Variants in PDE4B observed in about 807,000 individuals in gnomAD.
PDE4B encodes the protein phosphodiesterase 4B, also known as 3',5'-cyclic-AMP phosphodiesterase 4B.
A neutral mutation model predicts 82.2 loss-of-function variants in PDE4B; 20 were observed. That is an observed-to-expected ratio of 0.24 (90% CI 0.17 to 0.35). The LOEUF is 0.35. Ranked by LOEUF, PDE4B falls within the 10% of genes least tolerant of loss-of-function variation. The pLI, the probability that PDE4B is intolerant of heterozygous loss-of-function variation, is 1.00. For missense variants in PDE4B, 655 were observed against 907.2 expected, an observed-to-expected ratio of 0.72 and a Z score of 3.57; for synonymous variants, 320 against 318.9, an observed-to-expected ratio of 1.00 and a Z score of -0.04.
chr1:65,853,349 T>C (rs1272345569), intron 1 of PDE4B, among the ~76,000 whole-genome samples: 2 of 152,160 alleles, frequency 1.3e-5, no homozygotes, highest in East Asian at 3.8e-4. Flanking sequence ...TGCATTTTAA[T>C]TGGAGCATTT....
At chr1:65,854,804 C>T (rs1646373461) in intron 1 of PDE4B, among the ~76,000 whole-genome samples, 1 of 151,784 alleles carries the variant, frequency 6.6e-6, no homozygotes, top group Non-Finnish European at 1.5e-5. Flanking sequence ...CCCCATCTTT[C>T]CTCTCCTCTG....
chr1:65,831,072 T>G (rs1646076504), intron 1 of PDE4B, among the ~76,000 whole-genome samples: 1 of 151,820 alleles, frequency 6.6e-6, no homozygotes, highest in South Asian at 2.1e-4. Context: ...TCTATTGAAA[T>G]GAAGAATGAG....
chr1:66,337,352 C>T (rs1660606952), intron 8 of PDE4B, among the ~76,000 whole-genome samples: 1 of 152,208 alleles, frequency 6.6e-6, no homozygotes, highest in African/African-American at 2.4e-5. Flanking sequence ...TTTGCATCTG[C>T]TGGACCCCCA....
intron 7 of PDE4B, among the ~76,000 whole-genome samples, chr1:66,268,315 A>G (rs1655200261): frequency 6.6e-6 from 1 of 152,260 alleles, no homozygotes; most frequent in African/African-American, 2.4e-5. Flanking sequence ...ATTTACTTTT[A>G]CAAATTGATT....
intron 3 of PDE4B, among the ~76,000 whole-genome samples, chr1:66,151,772 C>T (rs1646399123): frequency 6.6e-6 from 1 of 152,204 alleles, no homozygotes; most frequent in Non-Finnish European, 1.5e-5. Context: ...TTTGATTCAT[C>T]TCTTTATTTC....
intron 1 of PDE4B, among the ~76,000 whole-genome samples, chr1:65,836,544 C>T (rs950642532): frequency 7.9e-5 from 12 of 152,122 alleles, no homozygotes; most frequent in Non-Finnish European, 1.6e-4. Flanking sequence ...AGGTAAACAC[C>T]GGGGCATCCT....
chr1:66,028,404 CTG>C (rs1396020835), intron 3 of PDE4B, among the ~76,000 whole-genome samples: 39 of 152,154 alleles, frequency 2.6e-4, no homozygotes, highest in Admixed American at 2.6e-3. Flanking sequence ...GCCTCAAGGC[CTG>C]TGATGGGAGG....
At chr1:66,277,770 A>T (rs1655996777) in intron 7 of PDE4B, among the ~76,000 whole-genome samples, 1 of 152,172 alleles carries the variant, frequency 6.6e-6, no homozygotes, top group African/African-American at 2.4e-5. Context: ...TGCTCCCAGT[A>T]CCTGTATTTT....
intron 1 of PDE4B, among the ~76,000 whole-genome samples, chr1:65,889,152 T>C (rs1646825265): frequency 6.6e-6 from 1 of 152,178 alleles, no homozygotes. Flanking sequence ...TGAAGGGATG[T>C]TGAATTCTAT....
At chr1:65,857,629 C>T (rs1266740040) in intron 1 of PDE4B, among the ~76,000 whole-genome samples, 1 of 152,164 alleles carries the variant, frequency 6.6e-6, no homozygotes, top group Admixed American at 6.6e-5. Context: ...TGAATTCAGG[C>T]TGGACAACAT....
At chr1:65,894,014 A>G (rs1640044057) in intron 1 of PDE4B, among the ~76,000 whole-genome samples, 1 of 152,086 alleles carries the variant, frequency 6.6e-6, no homozygotes, top group Non-Finnish European at 1.5e-5. Flanking sequence ...GGAGGGGGGT[A>G]CCAGATAAAA....
intron 7 of PDE4B, among the ~76,000 whole-genome samples, chr1:66,299,569 G>T (rs1481022272): frequency 6.6e-6 from 1 of 152,062 alleles, no homozygotes; most frequent in Non-Finnish European, 1.5e-5. Context: ...TTTTCCCTTG[G>T]ATAAATACCC....
At chr1:66,094,970 A>G (rs1033222377) in intron 3 of PDE4B, among the ~76,000 whole-genome samples, 3 of 151,968 alleles carry the variant, frequency 2.0e-5, no homozygotes, top group Admixed American at 2.0e-4. Flanking sequence ...TAACCATTGC[A>G]TACTAGACAG....
At chr1:66,131,766 A>G (rs983452119) in intron 3 of PDE4B, among the ~76,000 whole-genome samples, 35 of 151,698 alleles carry the variant, frequency 2.3e-4, no homozygotes, top group Admixed American at 1.3e-4. Flanking sequence ...TGGGAATAGA[A>G]CAATGAATGA....
At chr1:65,862,953 C>A (rs1220335598) in intron 1 of PDE4B, among the ~76,000 whole-genome samples, 1 of 151,954 alleles carries the variant, frequency 6.6e-6, no homozygotes, top group Non-Finnish European at 1.5e-5. Context: ...TCTTATTATT[C>A]TGTGTAGTGG....
intron 8 of PDE4B, among the ~76,000 whole-genome samples, chr1:66,347,334 C>T (rs532832660): frequency 1.3e-5 from 2 of 152,210 alleles, no homozygotes. Context: ...AAATAGCTGT[C>T]TATGAAATTT....
At chr1:65,836,996 T>G (rs141366454) in intron 1 of PDE4B, among the ~76,000 whole-genome samples, 41 of 152,242 alleles carry the variant, frequency 2.7e-4, no homozygotes, top group African/African-American at 9.6e-4. Context: ...ACTTCCGCCA[T>G]ACTTCCTGAG....
intron 3 of PDE4B, among the ~76,000 whole-genome samples, chr1:66,215,862 G>A (rs116432301): frequency 0.013 from 1,971 of 152,198 alleles, 20 homozygotes; most frequent in Non-Finnish European, 0.019. Context: ...ATCTCACAAG[G>A]GGCTACACTG....
intron 3 of PDE4B, among the ~76,000 whole-genome samples, chr1:66,246,839 TAGC>T (rs748859054): frequency 2.0e-5 from 3 of 152,256 alleles, no homozygotes; most frequent in Non-Finnish European, 2.9e-5. Flanking sequence ...AATTTGGTGT[TAGC>T]AGATTAATTA....
Sources: gnomAD v4.1 joint callset for allele counts (sites outside exome capture counted in the v4.1 genomes callset) on GRCh38, gnomAD v4.1.1 for gene constraint, MANE v1.5 for transcripts, NCBI Gene and HGNC (gene_info 2026-07-23, HGNC 2026-07-21) for gene names.